SHPRH: variants seen among roughly 807,000 people sequenced by gnomAD.
SHPRH encodes the protein SNF2 histone linker PHD RING helicase, also known as E3 ubiquitin-protein ligase SHPRH.
SHPRH carries 106 observed loss-of-function variants against 202.5 expected under a neutral mutation model. That is an observed-to-expected ratio of 0.52 (90% CI 0.45 to 0.62). SHPRH has a LOEUF of 0.62. Among genes scored for constraint, SHPRH ranks in the 20% least tolerant of loss-of-function variants. The pLI is 0.00. For missense variants in SHPRH, 1,710 were observed against 2,020.0 expected (o/e 0.85, Z 2.94); for synonymous variants, 729 against 686.0 (o/e 1.06, Z -0.98).
In SHPRH at chr6:145,910,524, T is replaced by C; in HGVS notation, c.4439A>G (p.Gln1480Arg). ...CGAGATTTCTTTGTGAGATGTGGTCTGGCGGCAGATTGCACACTTAATGGA... is the reference window on the plus strand; with the variant it reads ...CGAGATTTCTTTGTGAGATGTGGTCCGGCGGCAGATTGCACACTTAATGGA... ...RSSIKCAICR[Q>R]TTSHKEISYV... is the part of the protein sequence containing the mutation. Residue 1480 changes from glutamine to arginine, a missense_variant, in exon 25 of 30, where the codon CAG (glutamine) becomes CGG (arginine). Physicochemically the swap from Gln to Arg is conservative, Grantham distance 43. Coordinates refer to ENST00000275233, the MANE Select transcript of SHPRH (RefSeq NM_001042683.3). 6.2e-7 allele frequency: 1 copy of C among 1,613,152 alleles called. No individual in the cohort carries two copies. Among genetic ancestry groups the C allele is most frequent in the South Asian group, 1.1e-5 (1 of 91,048 alleles).
chr6:145,934,423 GC>G (rs150582022), intron 13 of SHPRH, among the ~76,000 whole-genome samples: 66,323 of 150,046 alleles, frequency 0.44, 15,425 homozygotes, highest in Admixed American at 0.53. Context: ...CTGAGATTGT[GC>G]CACTGCACTC....
At chr6:145,858,955 C>G in the SHPRH span, among the ~76,000 whole-genome samples, 1 of 151,950 alleles carries the variant, frequency 6.6e-6, no homozygotes, top group African/African-American at 2.4e-5. Flanking sequence ...TGTGGTTGAT[C>G]TTGACTTTGC....
intron 25 of SHPRH, among the ~76,000 whole-genome samples, chr6:145,902,118 A>C (rs930676667): frequency 6.6e-6 from 1 of 152,106 alleles, no homozygotes; most frequent in Non-Finnish European, 1.5e-5. Flanking sequence ...AAGTGAAGTA[A>C]AGTGAAGTCT....
chr6:145,889,040 C>T (rs1335766636), intron 28 of SHPRH, among the ~76,000 whole-genome samples: 2 of 152,030 alleles, frequency 1.3e-5, no homozygotes, highest in Non-Finnish European at 2.9e-5. Flanking sequence ...CCATGTGAAA[C>T]CTATCAGATA....
intron 14 of SHPRH, among the ~76,000 whole-genome samples, chr6:145,928,458 C>A (rs1025905091): frequency 1.3e-5 from 2 of 151,716 alleles, no homozygotes; most frequent in Admixed American, 6.6e-5. Flanking sequence ...ATCACACATA[C>A]TTTCTTTTAA....
chr6:145,914,707 T>G (rs1183150882), intron 23 of SHPRH, among the ~76,000 whole-genome samples: 1 of 152,190 alleles, frequency 6.6e-6, no homozygotes, highest in Non-Finnish European at 1.5e-5. Flanking sequence ...ATTTCCATTT[T>G]GACTTCTTCT....
chr6:145,936,983 T>TGC (rs1562345139), intron 11 of SHPRH, among the ~76,000 whole-genome samples: 5 of 132,780 alleles, frequency 3.8e-5, no homozygotes, highest in African/African-American at 1.4e-4. Flanking sequence ...TTCATCTTTT[T>TGC]TTTTTTTTTT....
intron 6 of SHPRH, 99 bp downstream of exon 6, chr6:145,947,394 C>T: frequency 7.5e-7 from 1 of 1,342,268 alleles, no homozygotes; most frequent in Non-Finnish European, 1.0e-6. Flanking sequence ...ACAGAGTGAA[C>T]AGAAAGTGTT....
At chr6:145,932,412 C>G (rs910829793) in intron 14 of SHPRH, among the ~76,000 whole-genome samples, 1 of 152,072 alleles carries the variant, frequency 6.6e-6, no homozygotes, top group Non-Finnish European at 1.5e-5. Flanking sequence ...ATGGAGAAGC[C>G]ACTAATACTC....
At chr6:145,922,641 T>C (rs34195233) in intron 19 of SHPRH, 22 bp downstream of exon 19, 2 of 1,572,662 alleles carry the variant, frequency 1.3e-6, no homozygotes, top group South Asian at 1.2e-5. Flanking sequence ...CATTTCATTG[T>C]ATGATTTCTT....
At position 145,919,478 on chromosome 6, in the gene SHPRH, T is replaced by A; in HGVS notation, c.4022A>T (p.Tyr1341Phe). The A allele has an allele frequency of 2.5e-6, 4 of 1,612,580 alleles. No homozygotes were observed. Among genetic ancestry groups the A allele is most frequent in the Non-Finnish European group, 3.4e-6 (4 of 1,179,152 alleles). ...WKKEYKLLHE[Y>F]WMALRNRVSA... is the part of the protein sequence containing the mutation. ...CACACGATTCCTCAGAGCCATCCAATATTCATGAAGCAACTGAAGGAATAG... is the reference window on the plus strand; with the variant it reads ...CACACGATTCCTCAGAGCCATCCAAAATTCATGAAGCAACTGAAGGAATAG... The change falls in exon 22 of 30, where the codon TAT becomes TTT. Residue 1341 changes from tyrosine (Y) to phenylalanine (F), a missense_variant. Tyr to Phe is a conservative substitution (Grantham distance 22). Coordinates refer to ENST00000275233, the MANE Select transcript of SHPRH (RefSeq NM_001042683.3).
rs751559681 is a variant in SHPRH, at chr6:145,927,195, T to C, written c.3195A>G (p.Ser1065=). 6.8e-6 allele frequency: 11 copies of C among 1,611,388 alleles called. No homozygotes were observed. In the African/African-American group the frequency reaches 1.2e-4, roughly 18 times the overall value. ...EEHKGKLKTD[S]LQRLHATHNL... is the part of the protein sequence containing the mutation. ...CTGTTTAGTCTTTACTTACTTGAAG[T>C]GAATCAGTTTTGAGTTTTCCTTTGT... The change falls in exon 15 of 30, where the codon TCA becomes TCG. Residue 1065 remains serine (S), a synonymous_variant. Transcript: ENST00000275233.
In SHPRH at chr6:145,937,033, G is replaced by C. The variant is rs181664749; in HGVS notation, c.2570-1592C>G. On this transcript the variant is annotated intron_variant, in intron 11 of 29. Transcript: ENST00000275233. ...GAGTCTTGCTCTGTCGCCCAGGCTG[G>C]AGGGCAACGGTGCAATCTCAGCTCA... Among the ~76,000 whole-genome samples the C allele has an allele frequency of 2.1e-4, 32 of 149,460 alleles. No homozygotes were observed. The East Asian group carries it at 4.5e-3, about 21-fold the overall frequency.
In SHPRH at chr6:145,888,179, T is replaced by A. The variant is rs532237959; in HGVS notation, c.4875-79A>T. On this transcript the variant is annotated intron_variant, in intron 28 of 29. Coordinates refer to ENST00000275233, the MANE Select transcript of SHPRH (RefSeq NM_001042683.3). The stretch of plus-strand genomic sequence containing the variant: ...CAAACCGACTTCACATTTTATATGC[T>A]ATATTCATCAGTCAGTTGGTGCCCA... 4.2e-5 allele frequency: 43 copies of A among 1,026,900 alleles called. No homozygotes were observed. The African/African-American group carries it at 6.7e-4, about 16-fold the overall frequency. 63.6% of individuals were successfully genotyped at this position (1,026,900 alleles called of 1,614,324 possible).
intron 1 of SHPRH, among the ~76,000 whole-genome samples, chr6:145,956,557 C>T (rs762321904): frequency 7.9e-5 from 12 of 151,976 alleles, no homozygotes; most frequent in South Asian, 6.2e-4. Context: ...ATGTAAGAAG[C>T]GCTTGGGTAG....
chr6:145,946,487 T>A (rs1787387730), intron 6 of SHPRH, 146 bp from the exon 7 acceptor site: 2 of 520,498 alleles, frequency 3.8e-6, no homozygotes, highest in Admixed American at 7.7e-5. Context: ...TGTAGATACA[T>A]ACACAGTTTT....
chr6:145,858,603 G>A, the SHPRH span, among the ~76,000 whole-genome samples: 8 of 151,896 alleles, frequency 5.3e-5, no homozygotes, highest in Admixed American at 2.6e-4. Flanking sequence ...GAAGCATGAG[G>A]AAACTTTTTG....
At chr6:145,914,534 G>A (rs1445270920) in intron 23 of SHPRH, among the ~76,000 whole-genome samples, 1 of 152,144 alleles carries the variant, frequency 6.6e-6, no homozygotes, top group Admixed American at 6.6e-5. Flanking sequence ...GTAAATGAAT[G>A]AGTGTGACCA....
chr6:145,913,090 C>T (rs1046357944), intron 24 of SHPRH, among the ~76,000 whole-genome samples: 1 of 152,060 alleles, frequency 6.6e-6, no homozygotes, highest in African/African-American at 2.4e-5. Context: ...GTAAGAACTA[C>T]GATTCTATAC....
Sources: allele counts gnomAD v4.1 joint callset (sites outside exome capture counted in the v4.1 genomes callset), GRCh38; gene constraint gnomAD v4.1.1; transcripts MANE v1.5; gene names NCBI Gene and HGNC (gene_info 2026-07-23, HGNC 2026-07-21).